The following DST variants were observed in gnomAD, a reference collection of about 807,000 sequenced individuals.
The protein encoded by DST is bullous pemphigoid antigen.
Under a neutral mutation model 875.2 loss-of-function variants are expected in DST, and 253 were observed. That is an observed-to-expected ratio of 0.29 (90% CI 0.26 to 0.32). DST has a LOEUF of 0.32. DST is among the 10% of genes least tolerant of loss of function. The pLI, the probability that DST is intolerant of heterozygous loss-of-function variation, is 1.00. For synonymous variants in DST, 3,124 were observed against 3,197.1 expected (o/e 0.98, Z 0.77); for missense variants, 8,287 against 9,111.6 (o/e 0.91, Z 3.68).
chr6:56,863,468 A>G (rs916648823), intron 3 of DST, among the ~76,000 whole-genome samples: 1 of 152,184 alleles, frequency 6.6e-6, no homozygotes, highest in African/African-American at 2.4e-5. Context: ...ATTCTTTCAC[A>G]GTGCCCATCA....
intron 4 of DST, among the ~76,000 whole-genome samples, chr6:56,758,988 A>G (rs2099610779): frequency 6.6e-6 from 1 of 152,198 alleles, no homozygotes; most frequent in African/African-American, 2.4e-5. Context: ...CCTGACCCTG[A>G]GCATCATACC....
At chr6:56,904,662 A>AT (rs1795565432) in intron 2 of DST, among the ~76,000 whole-genome samples, 1 of 152,220 alleles carries the variant, frequency 6.6e-6, no homozygotes, top group Admixed American at 6.5e-5. Context: ...ACTGTAAGGA[A>AT]TTACAGCTCC....
intron 10 of DST, among the ~76,000 whole-genome samples, chr6:56,661,469 T>C (rs2099040965): frequency 6.6e-6 from 1 of 152,134 alleles, no homozygotes; most frequent in Admixed American, 6.5e-5. Flanking sequence ...AGCCCTATTG[T>C]TAGTGGATCA....
rs1203098297 is a variant in DST at position 56,560,367 on chromosome 6, T to C, written c.14367A>G (p.Lys4789=). The change falls in exon 58 of 104, where the codon AAA becomes AAG. Residue 4789 remains lysine (K), a synonymous_variant. Coordinates refer to ENST00000680361, the MANE Select transcript of DST (RefSeq NM_001374736.1). ...NVNKVQELKD[K]LTELLEENPD... ...GGTTCTCCTCCAACAGCTCTGTCAA[T>C]TTGTCTTTCAACTCCTGTACTTTGT... is the stretch of plus-strand genomic sequence containing the variant. 25 of 1,608,550 alleles carry C rather than the reference T, an allele frequency of 1.6e-5. No homozygotes were observed. The highest frequency in any genetic ancestry group is 2.1e-5 in the Non-Finnish European group (25 of 1,176,956).
intron 50 of DST, among the ~76,000 whole-genome samples, chr6:56,574,873 C>T (rs922774516): frequency 2.0e-5 from 3 of 152,072 alleles, no homozygotes; most frequent in Non-Finnish European, 2.9e-5. Flanking sequence ...CATTGTAGAA[C>T]GCTTCAGTAG....
intron 4 of DST, among the ~76,000 whole-genome samples, chr6:56,799,772 C>T (rs984204370): frequency 3.0e-4 from 46 of 152,126 alleles, no homozygotes; most frequent in African/African-American, 7.0e-4. Flanking sequence ...CAGGCACGCA[C>T]CACCATGCCC....
At chr6:56,755,256 CAGG>C (rs2099599029) in intron 4 of DST, among the ~76,000 whole-genome samples, 1 of 152,114 alleles carries the variant, frequency 6.6e-6, no homozygotes, top group African/African-American at 2.4e-5. Context: ...TGTGGGCACG[CAGG>C]AGGAGTTGTA....
chr6:56,573,163 C>A (rs571570671), intron 51 of DST, 99 bp from the exon 52 acceptor site: 12 of 1,048,854 alleles, frequency 1.1e-5, no homozygotes, highest in African/African-American at 9.7e-5. Context: ...TAAGCTTGCA[C>A]AACCTGTGCC....
chr6:56,750,646 C>T (rs901431446), intron 4 of DST, among the ~76,000 whole-genome samples: 1 of 152,128 alleles, frequency 6.6e-6, no homozygotes, highest in Admixed American at 6.5e-5. Context: ...TGTTTCCACA[C>T]TTTTATTAAG....
chr6:56,562,830 C>T (rs1168935089), intron 55 of DST, among the ~76,000 whole-genome samples: 1 of 151,026 alleles, frequency 6.6e-6, no homozygotes, highest in African/African-American at 2.4e-5. Flanking sequence ...TGAGTGAGAA[C>T]ATGCGGTGTT....
chr6:56,646,223 A>G (rs1489409059), intron 13 of DST, 41 bp from the exon 14 acceptor site: 7 of 1,182,300 alleles, frequency 5.9e-6, no homozygotes, highest in Non-Finnish European at 8.3e-6. Flanking sequence ...CAAACTTAAA[A>G]GATCTGTTTT....
chr6:56,567,689 G>C (rs2097704204), intron 55 of DST, among the ~76,000 whole-genome samples: 1 of 152,042 alleles, frequency 6.6e-6, no homozygotes, highest in African/African-American at 2.4e-5. Context: ...GGCTGAGAAG[G>C]GCCCAGCTGG....
At chr6:56,664,851 T>C (rs544209157) in intron 10 of DST, among the ~76,000 whole-genome samples, 13 of 152,140 alleles carry the variant, frequency 8.5e-5, no homozygotes, top group Non-Finnish European at 1.6e-4. Flanking sequence ...TTTTTATTAT[T>C]TGAAACTTTT....
At chr6:56,705,226 T>C (rs1186007756) in intron 5 of DST, among the ~76,000 whole-genome samples, 2 of 152,298 alleles carry the variant, frequency 1.3e-5, no homozygotes, top group East Asian at 3.9e-4. Flanking sequence ...ACATTTCCAT[T>C]TTCTCGCCTT....
intron 3 of DST, among the ~76,000 whole-genome samples, chr6:56,869,670 TGAA>T (rs1477973722): frequency 6.6e-6 from 1 of 152,108 alleles, no homozygotes; most frequent in Admixed American, 6.6e-5. Context: ...CTATGCAGTA[TGAA>T]AAACTCTGAA....
At chr6:56,912,302 A>T (rs1799111996) in intron 2 of DST, among the ~76,000 whole-genome samples, 1 of 152,222 alleles carries the variant, frequency 6.6e-6, no homozygotes, top group Non-Finnish European at 1.5e-5. Context: ...CCTGTCTAAC[A>T]GAGTAGCTAC....
In DST at chr6:56,497,974, C is replaced by G. The variant is rs764753541; in HGVS notation, c.19976G>C (p.Ser6659Thr). Reference sequence around the variant, plus strand: ...AAGGTTGCTTGCTTCTTCTCCTGCACTTGATTCAATTAGATCATTTCCTGC... The same window carrying G: ...AAGGTTGCTTGCTTCTTCTCCTGCAGTTGATTCAATTAGATCATTTCCTGC... ...NKAGNDLIES[S>T]AGEEASNLQN... The change falls in exon 81 of 104, where the codon AGT becomes ACT. Residue 6659 changes from serine to threonine, a missense_variant. Ser to Thr is a moderately conservative substitution (Grantham distance 58). Transcript: ENST00000680361. The G allele has an allele frequency of 1.2e-6, 2 of 1,613,524 alleles. No homozygotes were observed. Among genetic ancestry groups the G allele is most frequent in the South Asian group, 1.1e-5 (1 of 91,062 alleles).
Position 56,603,216 on chromosome 6 carries a change from C to T in DST, c.11146G>A (p.Asp3716Asn), listed in dbSNP as rs918359790. 21 of 1,599,660 alleles carry T rather than the reference C, an allele frequency of 1.3e-5. No individual in the cohort carries two copies. In the East Asian group the frequency reaches 2.0e-4, roughly 15 times the overall value. The change falls in exon 42 of 104, where the codon GAC becomes AAC. Residue 3716 changes from aspartate (D) to asparagine (N), a missense_variant. Physicochemically the swap from Asp to Asn is conservative, Grantham distance 23. This residue lies in a region of DST where 3,138 missense variants were observed against 3,116.6 expected (regional missense o/e 1.01). Transcript: ENST00000680361. ...CATTTTATGCCTACCATTTCAGAGTCGATCGCAAGCATGATCTGTTTCGTT... is the reference window on the plus strand; with the variant it reads ...CATTTTATGCCTACCATTTCAGAGTTGATCGCAAGCATGATCTGTTTCGTT... ...ERTKQIMLAI[D>N]SEMSKLAVSH...
At chr6:56,662,810 C>T (rs951173427) in intron 10 of DST, among the ~76,000 whole-genome samples, 13 of 150,302 alleles carry the variant, frequency 8.6e-5, no homozygotes, top group East Asian at 7.8e-4. Flanking sequence ...GGCATGGGGG[C>T]GGGGGGGTCA....
Sources: allele counts gnomAD v4.1 joint callset (sites outside exome capture counted in the v4.1 genomes callset), GRCh38; gene constraint gnomAD v4.1.1; regional missense constraint gnomAD v4.1.1; transcripts MANE v1.5; gene names NCBI Gene and HGNC (gene_info 2026-07-23, HGNC 2026-07-21).